The following CREBRF variants were observed in gnomAD, a reference collection of about 807,000 sequenced individuals.
The protein encoded by CREBRF is UPF0474 protein C5orf41.
CREBRF carries 5 observed loss-of-function variants against 66.1 expected under a neutral mutation model. The observed-to-expected ratio is 0.08, with a 90% CI of 0.04 to 0.16. The LOEUF is 0.16. CREBRF is among the 10% of genes least tolerant of loss of function. CREBRF has a pLI of 1.00. For synonymous variants in CREBRF, 229 were observed against 264.4 expected (o/e 0.87, Z 1.30); for missense variants, 531 against 744.9 (o/e 0.71, Z 3.34).
At chr5:173,097,286 C>T (rs1038271031) in intron 4 of CREBRF, among the ~76,000 whole-genome samples, 6 of 152,108 alleles carry the variant, frequency 3.9e-5, no homozygotes, top group African/African-American at 1.4e-4. Context: ...TGCTCTGTCA[C>T]CCAGGCTGGA....
intron 8 of CREBRF, among the ~76,000 whole-genome samples, chr5:173,125,734 C>A (rs1032375498): frequency 6.6e-6 from 1 of 152,084 alleles, no homozygotes; most frequent in Non-Finnish European, 1.5e-5. Flanking sequence ...TGTGGTGGCA[C>A]GCGCCGGTAG....
At position 173,068,513 on chromosome 5, in the gene CREBRF, G is replaced by A. The variant is rs114567475; in HGVS notation, c.-192+12034G>A. ...AAAAAGTGATAAATTATATGTAATT[G>A]TTTGAACAATAAAGAGCAATAATCT... is the stretch of plus-strand genomic sequence containing the variant. On this transcript the variant is annotated intron_variant, in intron 1 of 8. Coordinates refer to ENST00000296953, the MANE Select transcript of CREBRF (RefSeq NM_153607.3). 3.6e-3 allele frequency among the ~76,000 whole-genome samples: 544 copies of A among 152,284 alleles called. 1 individual carries two copies. Among genetic ancestry groups the A allele is most frequent in the African/African-American group, 0.013 (524 of 41,560 alleles).
intron 8 of CREBRF, chr5:173,124,575 A>AG (rs1166789281): frequency 4.0e-5 from 6 of 151,366 alleles, no homozygotes; most frequent in African/African-American, 1.5e-4. Context: ...AAAAAAAAAA[A>AG]AAAGAAAAAA....
At chr5:173,058,774 C>T (rs111269745) in intron 1 of CREBRF, among the ~76,000 whole-genome samples, 18,993 of 144,190 alleles carry the variant, frequency 0.13, 2,099 homozygotes, top group African/African-American at 0.29. Context: ...CGTGAGCCAC[C>T]GCGCCCAGCC....
chr5:173,129,200 T>C (rs1324060242), intron 8 of CREBRF, among the ~76,000 whole-genome samples: 6 of 123,680 alleles, frequency 4.9e-5, no homozygotes, highest in Admixed American at 3.2e-4. Context: ...CACTGCAAAC[T>C]CCACCTCCCG....
intron 7 of CREBRF, among the ~76,000 whole-genome samples, chr5:173,115,478 C>G (rs1047347224): frequency 3.3e-5 from 5 of 152,154 alleles, no homozygotes; most frequent in Admixed American, 2.6e-4. Flanking sequence ...ATTGTTTTCC[C>G]TAAGTCTAGC....
chr5:173,092,922 A>G (rs1758385507), intron 4 of CREBRF, among the ~76,000 whole-genome samples: 1 of 152,210 alleles, frequency 6.6e-6, no homozygotes, highest in Non-Finnish European at 1.5e-5. Flanking sequence ...TAGGTAGAAT[A>G]ATGTCTTTTT....
intron 4 of CREBRF, among the ~76,000 whole-genome samples, chr5:173,098,049 G>C (rs547339976): frequency 1.3e-5 from 2 of 151,450 alleles, no homozygotes; most frequent in African/African-American, 4.9e-5. Context: ...GCTTTATCCC[G>C]TAAGTTTTGA....
intron 4 of CREBRF, among the ~76,000 whole-genome samples, chr5:173,093,368 C>A (rs547583752): frequency 1.3e-5 from 2 of 152,124 alleles, no homozygotes; most frequent in Non-Finnish European, 2.9e-5. Context: ...AAATTGTATA[C>A]GTTTAAAGTG....
intron 7 of CREBRF, 39 bp from the exon 8 acceptor site, chr5:173,123,041 G>T: frequency 6.5e-7 from 1 of 1,541,970 alleles, no homozygotes; most frequent in South Asian, 1.3e-5. Flanking sequence ...AGTCTTTCAT[G>T]GTAGTGACAT....
chr5:173,086,626 G>T lies in CREBRF; in HGVS notation c.135G>T (p.Leu45=). Residue 45 remains leucine, a splice_region_variant and synonymous_variant, in exon 3 of 9, where the codon CTG becomes CTT. Transcript: ENST00000296953. ...NSSDPDFMYE[L]DREMNYQQNP... ...CGGATCCAGATTTCATGTATGAACT[G>T]GTAAGCAACATTTTCTTGGTTTTGG... The T allele has an allele frequency of 6.2e-7, 1 of 1,606,416 alleles. No individual in the cohort carries two copies. The highest frequency in any genetic ancestry group is 8.5e-7 in the Non-Finnish European group (1 of 1,176,944).
At chr5:173,101,047 T>G (rs1581687671) in intron 4 of CREBRF, among the ~76,000 whole-genome samples, 1 of 152,072 alleles carries the variant, frequency 6.6e-6, no homozygotes, top group East Asian at 1.9e-4. Flanking sequence ...GGATATGGTG[T>G]TCTTTGTAGG....
intron 4 of CREBRF, among the ~76,000 whole-genome samples, chr5:173,101,738 C>T (rs778198575): frequency 1.3e-5 from 2 of 151,772 alleles, no homozygotes; most frequent in African/African-American, 4.8e-5. Flanking sequence ...TTAGTAGAGA[C>T]GGGGTTTCAC....
chr5:173,115,905 CG>C (rs1211034729), intron 7 of CREBRF, among the ~76,000 whole-genome samples: 1 of 152,188 alleles, frequency 6.6e-6, no homozygotes, highest in Non-Finnish European at 1.5e-5. Flanking sequence ...CCACCGCGCC[CG>C]GCCCCTGAAT....
intron 4 of CREBRF, chr5:173,092,076 T>C: frequency 1.5e-6 from 1 of 660,368 alleles, no homozygotes; most frequent in African/African-American, 2.0e-5. Context: ...AGTGAAAGTC[T>C]GTCTCAATAA....
At chr5:173,111,582 G>A (rs1283588040) in intron 6 of CREBRF, among the ~76,000 whole-genome samples, 3 of 152,184 alleles carry the variant, frequency 2.0e-5, no homozygotes, top group Non-Finnish European at 4.4e-5. Flanking sequence ...ATTGTTGCCT[G>A]GAGTAATAAT....
At position 173,091,020 on chromosome 5, in the gene CREBRF, C is replaced by G; in HGVS notation, c.841C>G (p.Pro281Ala). The G allele has an allele frequency of 1.9e-6, 3 of 1,614,126 alleles. No homozygotes were observed. Among genetic ancestry groups the G allele is most frequent in the African/African-American group, 2.7e-5 (2 of 75,032 alleles). ...AKRQEKKGME[P>A]LQGHATPALP... ...GAGACAAGAGAAAAAAGGGATGGAG[C>G]CTCTTCAAGGTCATGCCACTCCCGC... Residue 281 changes from proline to alanine, a missense_variant, in exon 4 of 9, where the codon CCT (proline) becomes GCT (alanine). Pro to Ala is a conservative substitution (Grantham distance 27). Coordinates refer to ENST00000296953, the MANE Select transcript of CREBRF (RefSeq NM_153607.3).
intron 1 of CREBRF, among the ~76,000 whole-genome samples, chr5:173,076,434 T>G (rs1233887484): frequency 6.6e-6 from 1 of 152,240 alleles, no homozygotes; most frequent in East Asian, 1.9e-4. Context: ...GGATTAAGTC[T>G]TAGGAGAAAT....
chr5:173,067,796 C>T (rs377353270), intron 1 of CREBRF, among the ~76,000 whole-genome samples: 31 of 151,654 alleles, frequency 2.0e-4, no homozygotes, highest in African/African-American at 6.8e-4. Flanking sequence ...GTCAGGAGAT[C>T]GAGACCATCT....
Sources: gnomAD v4.1 joint callset for allele counts (sites outside exome capture counted in the v4.1 genomes callset) on GRCh38, gnomAD v4.1.1 for gene constraint, MANE v1.5 for transcripts, NCBI Gene and HGNC (gene_info 2026-07-23, HGNC 2026-07-21) for gene names.